Variants in PDE1C observed in about 807,000 individuals in gnomAD.
PDE1C encodes phosphodiesterase 1C.
PDE1C carries 62 observed loss-of-function variants against 93.1 expected under a neutral mutation model. That is an observed-to-expected ratio of 0.67 (90% CI 0.54 to 0.82). The LOEUF is 0.82. Ranked by LOEUF, PDE1C falls within the 40% of genes least tolerant of loss-of-function variation. PDE1C has a pLI of 0.00. For synonymous variants in PDE1C, 325 were observed against 310.1 expected (o/e 1.05, Z -0.50); for missense variants, 742 against 884.6 (o/e 0.84, Z 2.04).
chr7:31,808,922 G>T (rs1364509015), intron 16 of PDE1C, 109 bp downstream of exon 16: 2 of 634,420 alleles, frequency 3.2e-6, no homozygotes, highest in Admixed American at 5.1e-5. Context: ...TTTTTTTCAG[G>T]ATATAAGAAT....
chr7:32,045,210 C>T (rs1275350459), intron 2 of PDE1C, among the ~76,000 whole-genome samples: 1 of 152,028 alleles, frequency 6.6e-6, no homozygotes, highest in African/African-American at 2.4e-5. Context: ...TCCCCCACCC[C>T]CAGCCATGTT....
At chr7:32,385,868 C>T (rs1416894184) in intron 1 of PDE1C, among the ~76,000 whole-genome samples, 1 of 152,114 alleles carries the variant, frequency 6.6e-6, no homozygotes, top group African/African-American at 2.4e-5. Flanking sequence ...GAAATAGAGG[C>T]ACAAGGTTAG....
intron 3 of PDE1C, among the ~76,000 whole-genome samples, chr7:32,113,498 T>C (rs1422891480): frequency 6.6e-6 from 1 of 151,580 alleles, no homozygotes; most frequent in Non-Finnish European, 1.5e-5. Flanking sequence ...ACTGTCCTTT[T>C]ATTTCTAATT....
chr7:32,398,985 G>T (rs1264060318), intron 1 of PDE1C, among the ~76,000 whole-genome samples: 1 of 152,136 alleles, frequency 6.6e-6, no homozygotes, highest in Non-Finnish European at 1.5e-5. Context: ...TACAAATAGT[G>T]AACACCCTTA....
intron 17 of PDE1C, among the ~76,000 whole-genome samples, chr7:31,772,638 T>C (rs1386543811): frequency 6.6e-6 from 1 of 152,150 alleles, no homozygotes; most frequent in Non-Finnish European, 1.5e-5. Context: ...TGTCAAAAAA[T>C]GAACTTACTC....
chr7:31,841,335 G>A (rs981830533), intron 9 of PDE1C, among the ~76,000 whole-genome samples: 1 of 151,618 alleles, frequency 6.6e-6, no homozygotes, highest in African/African-American at 2.4e-5. Flanking sequence ...ATCGGTTCCA[G>A]TAGCTCCTTT....
the PDE1C span, among the ~76,000 whole-genome samples, chr7:31,618,669 G>A: frequency 6.6e-6 from 1 of 152,142 alleles, no homozygotes. Context: ...TTATAGTTGA[G>A]TATTAGGGCT....
At chr7:32,019,788 G>T (rs1788404322) in intron 2 of PDE1C, among the ~76,000 whole-genome samples, 1 of 152,106 alleles carries the variant, frequency 6.6e-6, no homozygotes. Flanking sequence ...TGTGGCATTA[G>T]CAACTGGATG....
intron 1 of PDE1C, among the ~76,000 whole-genome samples, chr7:32,212,055 A>G (rs1245260161): frequency 6.6e-6 from 1 of 151,648 alleles, no homozygotes; most frequent in Non-Finnish European, 1.5e-5. Flanking sequence ...AGAAAGAAAG[A>G]AAAAAGAAAA....
chr7:32,131,934 T>C (rs1799940702), intron 3 of PDE1C, among the ~76,000 whole-genome samples: 1 of 152,078 alleles, frequency 6.6e-6, no homozygotes. Flanking sequence ...ATAGTAGTAG[T>C]AGTAGCACTA....
chr7:31,828,461 C>T, intron 11 of PDE1C, 88 bp from the exon 12 acceptor site: 1 of 807,532 alleles, frequency 1.2e-6, no homozygotes, highest in East Asian at 2.7e-5. Flanking sequence ...CCACGGAGGC[C>T]ACTGGTCTTT....
At chr7:32,370,231 C>T (rs561844962) in intron 1 of PDE1C, among the ~76,000 whole-genome samples, 62 of 152,050 alleles carry the variant, frequency 4.1e-4, no homozygotes, top group African/African-American at 6.0e-4. Context: ...GGGCGGATCA[C>T]GAGGTCAGGA....
chr7:32,220,301 G>A (rs1460196583), intron 1 of PDE1C, among the ~76,000 whole-genome samples: 1 of 152,210 alleles, frequency 6.6e-6, no homozygotes, highest in African/African-American at 2.4e-5. Flanking sequence ...CCAGGCACCA[G>A]TAGGAACTTT....
At chr7:32,389,189 TG>T (rs1376649102) in intron 1 of PDE1C, among the ~76,000 whole-genome samples, 2 of 125,152 alleles carry the variant, frequency 1.6e-5, no homozygotes, top group East Asian at 2.3e-4. Flanking sequence ...TGTGTGTGTG[TG>T]GTTTTTTTGG....
chr7:32,123,275 G>A (rs1240221272), intron 3 of PDE1C, among the ~76,000 whole-genome samples: 2 of 152,036 alleles, frequency 1.3e-5, no homozygotes, highest in Admixed American at 6.6e-5. Context: ...CCAAATTCTA[G>A]CAGAGGTACA....
the PDE1C span, among the ~76,000 whole-genome samples, chr7:31,678,615 G>C: frequency 5.3e-5 from 8 of 152,098 alleles, no homozygotes; most frequent in African/African-American, 1.7e-4. Flanking sequence ...CAGATACTTC[G>C]ATAGTATTAT....
chr7:32,299,416 G>T (rs117709931), upstream of PDE1C: 24 of 985,540 alleles, frequency 2.4e-5, 1 homozygote, highest in East Asian at 5.7e-4. Flanking sequence ...CACTGTCCCT[G>T]CCAGGAAGGT....
the PDE1C span, among the ~76,000 whole-genome samples, chr7:31,667,709 G>T: frequency 6.6e-6 from 1 of 152,034 alleles, no homozygotes; most frequent in Non-Finnish European, 1.5e-5. Flanking sequence ...GGATCATGAT[G>T]GTAGGGGTCA....
chr7:32,382,211 T>C (rs1033244048), intron 1 of PDE1C, among the ~76,000 whole-genome samples: 2 of 152,068 alleles, frequency 1.3e-5, no homozygotes, highest in Admixed American at 6.6e-5. Flanking sequence ...CCTGGATAAA[T>C]TGATGAAGCG....
Sources: allele counts gnomAD v4.1 joint callset (sites outside exome capture counted in the v4.1 genomes callset), GRCh38; gene constraint gnomAD v4.1.1; transcripts MANE v1.5; gene names NCBI Gene and HGNC (gene_info 2026-07-23, HGNC 2026-07-21).